The following BCAR1 variants were observed in gnomAD, a reference collection of about 807,000 sequenced individuals.
The protein encoded by BCAR1 is BCAR1 scaffold protein, Cas family member.
In BCAR1, 30 loss-of-function variants were observed where a neutral mutation model predicts 67.6. The observed-to-expected ratio is 0.44, with a 90% CI of 0.33 to 0.60. The LOEUF (loss-of-function observed/expected upper bound fraction) is 0.60, where lower values mean the gene tolerates loss of function less well. Among genes scored for constraint, BCAR1 ranks in the 20% least tolerant of loss-of-function variants. BCAR1 has a pLI of 0.02. For missense variants in BCAR1, 1,313 were observed against 1,222.3 expected (o/e 1.07, Z -1.11); for synonymous variants, 626 against 556.7 (o/e 1.12, Z -1.75).
upstream of BCAR1, among the ~76,000 whole-genome samples, chr16:75,253,548 A>G (rs1370703253): frequency 6.6e-6 from 1 of 152,164 alleles, no homozygotes; most frequent in East Asian, 1.9e-4. Context: ...GCATTAGAAC[A>G]GCACTGGGGG....
chr16:75,242,921 T>G lies in BCAR1; in HGVS notation c.182A>C (p.Lys61Thr). The G allele has an allele frequency of 1.2e-6, 2 of 1,612,656 alleles. No homozygotes were observed. The highest frequency in any genetic ancestry group is 1.7e-5 in the Admixed American group (1 of 59,994). ...RQGIVPGNRL[K>T]ILVGMYDKKP... is the part of the protein sequence containing the mutation. ...CTTATCATACATGCCCACCAAGATC[T>G]TGAGGCGGTTCCCAGGCACGATGCC... is the stretch of plus-strand genomic sequence containing the variant. The change falls in exon 2 of 7, where the codon AAG becomes ACG. Residue 61 changes from lysine (K) to threonine (T), a missense_variant. This residue lies in a region of BCAR1 where 1,272 missense variants were observed against 1,137.5 expected (regional missense o/e 1.12). Transcript: ENST00000162330.
At chr16:75,264,071 T>C in intron 1 of BCAR1, 2 of 1,241,656 alleles carry the variant, frequency 1.6e-6, no homozygotes, top group Non-Finnish European at 2.0e-6. Flanking sequence ...GAGCCCGTGA[T>C]GGTGTGGCCA....
chr16:75,266,071 C>G lies in BCAR1; in HGVS notation c.66+1844G>C, dbSNP rs1170990291. On this transcript the variant is annotated intron_variant, in intron 1 of 6. Coordinates refer to the BCAR1 transcript ENST00000393422. ...AGGGACGCGTTAAAGGTGAGGACCCCGGACCTAGGCCTTTTTCTGTCGGCC... is the reference window on the plus strand; with the variant it reads ...AGGGACGCGTTAAAGGTGAGGACCCGGGACCTAGGCCTTTTTCTGTCGGCC... 10 of 1,011,062 alleles carry G rather than the reference C, an allele frequency of 9.9e-6. No homozygotes were observed. In the African/African-American group the frequency reaches 1.7e-4, roughly 17 times the overall value. 62.6% of individuals were successfully genotyped at this position (1,011,062 alleles called of 1,614,324 possible). A position where few individuals can be genotyped will look rare whatever the true frequency, so the allele number is the denominator to read the frequency against.
intron 6 of BCAR1, among the ~76,000 whole-genome samples, chr16:75,233,120 C>T (rs1428175972): frequency 1.3e-5 from 2 of 152,054 alleles, no homozygotes; most frequent in Non-Finnish European, 2.9e-5. Context: ...CACTATAATC[C>T]CAGCACTTTG....
Position 75,263,804 on chromosome 16 carries a change from A to G in BCAR1, c.66+4111T>C, listed in dbSNP as rs1196548914. 6.1e-6 allele frequency: 6 copies of G among 987,726 alleles called. No homozygotes were observed. The Admixed American group carries it at 3.1e-4, about 50-fold the overall frequency. The allele number at this position is 987,726 out of a possible 1,614,324, so 61.2% of individuals were successfully genotyped here. A position where few individuals can be genotyped will look rare whatever the true frequency, so the allele number is the denominator to read the frequency against. The stretch of plus-strand genomic sequence containing the variant: ...CTCTGGGTTCCAAGGGCAGGGCTTG[A>G]GCAGGCAGCTCAGTCTGGAAGCCTC... On this transcript the variant is annotated intron_variant, in intron 1 of 6. Transcript: ENST00000393422.
At chr16:75,233,254 T>A (rs955217372) in intron 6 of BCAR1, among the ~76,000 whole-genome samples, 1 of 151,896 alleles carries the variant, frequency 6.6e-6, no homozygotes, top group Non-Finnish European at 1.5e-5. Flanking sequence ...GCGCCTGTAA[T>A]CCCAACTACT....
At chr16:75,261,230 G>A (rs1274680428) in intron 1 of BCAR1, among the ~76,000 whole-genome samples, 1 of 152,248 alleles carries the variant, frequency 6.6e-6, no homozygotes, top group Non-Finnish European at 1.5e-5. Context: ...AATGGGGCTT[G>A]ACCTGGAGGA....
intron 5 of BCAR1, among the ~76,000 whole-genome samples, chr16:75,234,145 G>A (rs1028423748): frequency 8.2e-5 from 12 of 146,568 alleles, no homozygotes; most frequent in South Asian, 4.4e-4. Context: ...AGACTGGCAC[G>A]TGCAGGGGCA....
At chr16:75,261,076 A>T (rs2077898399) in intron 1 of BCAR1, among the ~76,000 whole-genome samples, 1 of 152,154 alleles carries the variant, frequency 6.6e-6, no homozygotes, top group South Asian at 2.1e-4. Context: ...CAGAGCCGCG[A>T]CTTGTGACCA....
chr16:75,246,860 T>C (rs1339914000), intron 1 of BCAR1: 2 of 152,294 alleles, frequency 1.3e-5, no homozygotes, highest in East Asian at 1.9e-4. Flanking sequence ...TGACCCAAGC[T>C]GGGCCAGTCA....
Position 75,235,081 on chromosome 16 carries a change from T to C in BCAR1, c.1818A>G (p.Arg606=). The change falls in exon 5 of 7, where the codon AGA becomes AGG. Residue 606 remains arginine (R), a synonymous_variant. Coordinates refer to ENST00000162330, the MANE Select transcript of BCAR1 (RefSeq NM_014567.5). ...FLHGNASLLF[R]RTKATAPGPE... ...GCCCCGGGGCAGTGGCCTTGGTCCG[T>C]CTGAAGAGCAGTGAGGCATTGCCGT... 6.2e-7 allele frequency: 1 copy of C among 1,612,766 alleles called. No individual in the cohort carries two copies. Among genetic ancestry groups the C allele is most frequent in the Admixed American group, 1.7e-5 (1 of 60,026 alleles).
intron 1 of BCAR1, chr16:75,250,105 C>T (rs1218265500): frequency 6.6e-6 from 1 of 152,660 alleles, no homozygotes. Context: ...CAGTGCTCAC[C>T]CTCCTGCTCA....
At chr16:75,249,406 T>C (rs577772474) in intron 1 of BCAR1, 1 of 152,306 alleles carries the variant, frequency 6.6e-6, no homozygotes, top group South Asian at 2.1e-4. Context: ...GCCTCTCCTG[T>C]GCTCGGAGGG....
upstream of BCAR1, chr16:75,252,173 G>A: frequency 6.5e-7 from 1 of 1,531,034 alleles, no homozygotes; most frequent in Non-Finnish European, 8.8e-7. Context: ...CCCAGGAAAT[G>A]AAGCCTCAAG....
At chr16:75,231,459 T>C (rs1277034145) in intron 6 of BCAR1, among the ~76,000 whole-genome samples, 1 of 152,208 alleles carries the variant, frequency 6.6e-6, no homozygotes, top group Non-Finnish European at 1.5e-5. Context: ...ATTGAATCAA[T>C]ACTCTCCTAT....
chr16:75,239,385 A>C (rs552655354), intron 2 of BCAR1, among the ~76,000 whole-genome samples: 6 of 152,096 alleles, frequency 3.9e-5, no homozygotes, highest in Non-Finnish European at 8.8e-5. Flanking sequence ...GCACGCACAG[A>C]ACCCAGGCAG....
chr16:75,265,988 G>A (rs2078002658), intron 1 of BCAR1: 1 of 1,046,882 alleles, frequency 9.6e-7, no homozygotes, highest in Non-Finnish European at 1.1e-6. Flanking sequence ...CTGTCCGGCC[G>A]CTCCAGCCGC....
chr16:75,236,524 T>A (rs1487364098), intron 4 of BCAR1: 2 of 379,026 alleles, frequency 5.3e-6, no homozygotes, highest in African/African-American at 4.1e-5. Context: ...GGGGACCAAA[T>A]TCTGGTTTGC....
In BCAR1 at chr16:75,229,859, C is replaced by T; in HGVS notation, c.2265G>A (p.Leu755=). 6.2e-7 allele frequency: 1 copy of T among 1,613,316 alleles called. No individual in the cohort carries two copies. The highest frequency in any genetic ancestry group is 8.5e-7 in the Non-Finnish European group (1 of 1,179,990). The change falls in exon 7 of 7, where the codon CTG becomes CTA. Residue 755 remains leucine, a synonymous_variant. Transcript: ENST00000162330. ...CGTCCACGGCGTTGGTCAGTGTGGT[C>T]AGGTTGGCCTCACACTGCTCCAGGT... is the stretch of plus-strand genomic sequence containing the variant. The part of the protein sequence containing the change: ...LFYLEQCEAN[L]TTLTNAVDAF...
Sources: gnomAD v4.1 joint callset for allele counts (sites outside exome capture counted in the v4.1 genomes callset) on GRCh38, gnomAD v4.1.1 for gene constraint, gnomAD v4.1.1 regional missense constraint, MANE v1.5 for transcripts, NCBI Gene and HGNC (gene_info 2026-07-23, HGNC 2026-07-21) for gene names.